Variants in CALN1 observed in about 807,000 individuals in gnomAD.
The protein encoded by CALN1 is calcium-binding protein 8.
CALN1 carries 17 observed loss-of-function variants against 30.6 expected under a neutral mutation model. The ratio of observed to expected loss-of-function variants is 0.56; its 90% confidence interval spans 0.38 to 0.83. The LOEUF (loss-of-function observed/expected upper bound fraction) is 0.83, where lower values mean the gene tolerates loss of function less well. Among genes scored for constraint, CALN1 ranks in the 40% least tolerant of loss-of-function variants. CALN1 has a pLI of 0.00. For missense variants in CALN1, 291 were observed against 354.9 expected, an observed-to-expected ratio of 0.82 and a Z score of 1.45; for synonymous variants, 156 against 131.4, an observed-to-expected ratio of 1.19 and a Z score of -1.28.
intron 4 of CALN1, among the ~76,000 whole-genome samples, chr7:72,046,389 C>T (rs1055322206): frequency 1.3e-5 from 2 of 152,004 alleles, no homozygotes; most frequent in African/African-American, 4.8e-5. Flanking sequence ...TACAGGCACA[C>T]ACCACCATGC....
At chr7:72,265,257 G>T (rs1796526660) in intron 3 of CALN1, among the ~76,000 whole-genome samples, 1 of 152,146 alleles carries the variant, frequency 6.6e-6, no homozygotes, top group Non-Finnish European at 1.5e-5. Flanking sequence ...TTTTAAATGG[G>T]TGTGTCCTAA....
chr7:72,468,036 T>C, the CALN1 span, among the ~76,000 whole-genome samples: 2 of 152,226 alleles, frequency 1.3e-5, no homozygotes, highest in Non-Finnish European at 2.9e-5. Flanking sequence ...TCACCTAGCA[T>C]GTTTTCAAGG....
chr7:72,405,268 T>G (rs1806622991), intron 1 of CALN1, among the ~76,000 whole-genome samples: 1 of 152,170 alleles, frequency 6.6e-6, no homozygotes, highest in Non-Finnish European at 1.5e-5. Flanking sequence ...GCAACAGTAC[T>G]TGGCCTCAAA....
intron 4 of CALN1, among the ~76,000 whole-genome samples, chr7:72,050,308 T>G (rs890864284): frequency 6.6e-6 from 1 of 152,132 alleles, no homozygotes; most frequent in Admixed American, 6.6e-5. Context: ...AGTAGTACAA[T>G]TGCAATTACT....
At chr7:72,226,497 A>C (rs1237455694) in intron 3 of CALN1, among the ~76,000 whole-genome samples, 1 of 152,124 alleles carries the variant, frequency 6.6e-6, no homozygotes, top group African/African-American at 2.4e-5. Flanking sequence ...TCATAAGATG[A>C]CCCAGCTTCA....
intron 5 of CALN1, among the ~76,000 whole-genome samples, chr7:71,816,537 T>G (rs1452588387): frequency 6.6e-6 from 1 of 152,064 alleles, no homozygotes; most frequent in Non-Finnish European, 1.5e-5. Flanking sequence ...TTCCTAACAC[T>G]TGAAGAGTGT....
intron 1 of CALN1, among the ~76,000 whole-genome samples, chr7:72,403,980 G>A: frequency 6.6e-6 from 1 of 152,160 alleles, no homozygotes; most frequent in Non-Finnish European, 1.5e-5. Flanking sequence ...CAGCATCCAA[G>A]ATGGCATCCC....
chr7:71,969,053 G>GA (rs891472731), intron 5 of CALN1, among the ~76,000 whole-genome samples: 53 of 145,062 alleles, frequency 3.7e-4, no homozygotes, highest in African/African-American at 7.6e-4. Flanking sequence ...TATCTCAAAA[G>GA]AAAAAAAAAA....
intron 6 of CALN1, among the ~76,000 whole-genome samples, chr7:71,799,583 A>C (rs1787184310): frequency 6.6e-6 from 1 of 152,002 alleles, no homozygotes; most frequent in Admixed American, 6.6e-5. Flanking sequence ...CTCCTGCCTC[A>C]GCCTCCCTAG....
chr7:72,339,811 A>T (rs1802297983), intron 2 of CALN1, among the ~76,000 whole-genome samples: 1 of 152,318 alleles, frequency 6.6e-6, no homozygotes, highest in South Asian at 2.1e-4. Context: ...CGTGAGACTT[A>T]TTCACTATCA....
chr7:72,276,239 A>G (rs954862403), intron 3 of CALN1, among the ~76,000 whole-genome samples: 1 of 152,176 alleles, frequency 6.6e-6, no homozygotes, highest in Non-Finnish European at 1.5e-5. Context: ...GATCTACTCA[A>G]ATAAACACAA....
At chr7:72,075,620 C>A (rs1171061366) in intron 4 of CALN1, among the ~76,000 whole-genome samples, 2 of 152,180 alleles carry the variant, frequency 1.3e-5, no homozygotes, top group African/African-American at 4.8e-5. Flanking sequence ...TGTTGACCAG[C>A]TTTGTCCCTG....
At chr7:72,143,396 G>C (rs572651966) in intron 3 of CALN1, among the ~76,000 whole-genome samples, 11 of 152,278 alleles carry the variant, frequency 7.2e-5, no homozygotes, top group African/African-American at 2.4e-4. Flanking sequence ...TCAAATGAAT[G>C]AAATGAAGCT....
chr7:72,160,709 G>A (rs1788045211), intron 3 of CALN1, among the ~76,000 whole-genome samples: 1 of 152,166 alleles, frequency 6.6e-6, no homozygotes. Context: ...CTCTGCTATA[G>A]TAAGGAGCTA....
chr7:71,939,550 G>T (rs1337283329), intron 5 of CALN1, among the ~76,000 whole-genome samples: 4 of 149,982 alleles, frequency 2.7e-5, no homozygotes, highest in Admixed American at 1.3e-4. Context: ...TTCAGCCTGG[G>T]TTATAGAGCA....
the CALN1 span, among the ~76,000 whole-genome samples, chr7:72,463,422 C>T: frequency 2.0e-5 from 3 of 152,200 alleles, no homozygotes; most frequent in African/African-American, 7.2e-5. Flanking sequence ...GGATTATAAG[C>T]ATCAACCACC....
intron 5 of CALN1, among the ~76,000 whole-genome samples, chr7:71,822,566 TTTG>T (rs1788660212): frequency 6.6e-6 from 1 of 152,140 alleles, no homozygotes; most frequent in Non-Finnish European, 1.5e-5. Context: ...GTTCTTATGG[TTTG>T]TTTTCTCTTT....
At chr7:71,906,952 C>A (rs1794170529) in intron 5 of CALN1, among the ~76,000 whole-genome samples, 1 of 152,148 alleles carries the variant, frequency 6.6e-6, no homozygotes, top group South Asian at 2.1e-4. Context: ...CGCATCTGGG[C>A]ATCTAGATGA....
intron 3 of CALN1, among the ~76,000 whole-genome samples, chr7:72,138,619 C>A (rs756685551): frequency 7.2e-5 from 11 of 152,184 alleles, no homozygotes; most frequent in Non-Finnish European, 1.3e-4. Flanking sequence ...ACTGAGTTAG[C>A]TAATCTTCAA....
Sources: allele counts gnomAD v4.1 joint callset (sites outside exome capture counted in the v4.1 genomes callset), GRCh38; gene constraint gnomAD v4.1.1; transcripts MANE v1.5; gene names NCBI Gene and HGNC (gene_info 2026-07-23, HGNC 2026-07-21).